SDK2: variants seen among roughly 807,000 people sequenced by gnomAD.
SDK2 encodes the protein sidekick cell adhesion molecule 2.
In SDK2, 105 loss-of-function variants were observed where a neutral mutation model predicts 253.9. The ratio of observed to expected loss-of-function variants is 0.41; its 90% CI spans 0.35 to 0.49. SDK2 has a LOEUF of 0.49. SDK2 is among the 20% of genes least tolerant of loss of function. SDK2 has a pLI of 0.06. For missense variants in SDK2, 2,608 were observed against 3,003.0 expected, an observed-to-expected ratio of 0.87 and a Z score of 3.07; for synonymous variants, 1,249 against 1,234.9, an observed-to-expected ratio of 1.01 and a Z score of -0.24.
At chr17:73,504,469 A>AAAAAT (rs2063918706) in intron 2 of SDK2, 1 of 151,662 alleles carries the variant, frequency 6.6e-6, no homozygotes, top group Non-Finnish European at 1.5e-5. Flanking sequence ...CTACTAAAAA[A>AAAAAT]AAAATACGAA....
chr17:73,622,469 T>C (rs2046145406), intron 1 of SDK2, among the ~76,000 whole-genome samples: 1 of 152,216 alleles, frequency 6.6e-6, no homozygotes, highest in African/African-American at 2.4e-5. Context: ...GGACAAGTTT[T>C]CTTGGCTCAG....
In SDK2 at chr17:73,438,163, G is replaced by C. The variant is rs2063385683; in HGVS notation, c.726-9C>G. On this transcript the variant is annotated splice_polypyrimidine_tract_variant and intron_variant, in intron 6 of 44. Coordinates refer to ENST00000392650, the MANE Select transcript of SDK2 (RefSeq NM_001144952.2). ...GTAGCTTGATCAGGGGCCTGCAGAG[G>C]GCAAGGGAAGGCCAGTGTTCAGCCA... 3 of 1,547,308 alleles carry C rather than the reference G, an allele frequency of 1.9e-6. No individual in the cohort carries two copies. Among genetic ancestry groups the C allele is most frequent in the African/African-American group, 1.4e-5 (1 of 72,994 alleles).
chr17:73,602,796 G>A (rs2045858914), intron 1 of SDK2, among the ~76,000 whole-genome samples: 1 of 151,932 alleles, frequency 6.6e-6, no homozygotes, highest in South Asian at 2.1e-4. Context: ...GCGTGATCTC[G>A]GCTCACTGCA....
At chr17:73,602,117 A>T (rs1017177084) in intron 1 of SDK2, among the ~76,000 whole-genome samples, 1 of 152,240 alleles carries the variant, frequency 6.6e-6, no homozygotes, top group Non-Finnish European at 1.5e-5. Context: ...ACAGGTAGGT[A>T]GGTGAGTTGG....
At chr17:73,555,958 G>A (rs1238353563) in intron 1 of SDK2, among the ~76,000 whole-genome samples, 2 of 152,182 alleles carry the variant, frequency 1.3e-5, no homozygotes, top group African/African-American at 4.8e-5. Context: ...GATGGTCCCT[G>A]CAGGGAGACA....
rs568621107 is a variant in SDK2 at position 73,389,898 on chromosome 17, T to C, written c.4192+389A>G. Reference sequence around the variant, plus strand: ...CTGAGTAGCTGGGATTACAGGTGTGTGCCACCACGCTGGCTAATTTTTGTA... The same window carrying C: ...CTGAGTAGCTGGGATTACAGGTGTGCGCCACCACGCTGGCTAATTTTTGTA... On this transcript the variant is annotated intron_variant, in intron 29 of 44. Transcript: ENST00000392650. Among the ~76,000 whole-genome samples the C allele has an allele frequency of 1.9e-3, 295 of 152,268 alleles. 1 individual carries two copies. Among genetic ancestry groups the C allele is most frequent in the African/African-American group, 6.6e-3 (274 of 41,554 alleles).
At chr17:73,532,063 A>G (rs1421191264) in intron 1 of SDK2, among the ~76,000 whole-genome samples, 1 of 151,500 alleles carries the variant, frequency 6.6e-6, no homozygotes, top group Non-Finnish European at 1.5e-5. Context: ...GTCATTCTGT[A>G]CTCCTGCCCC....
intron 1 of SDK2, among the ~76,000 whole-genome samples, chr17:73,550,168 C>T (rs188098746): frequency 6.6e-6 from 1 of 152,152 alleles, no homozygotes; most frequent in African/African-American, 2.4e-5. Flanking sequence ...GCTGGCCTGG[C>T]TTGGAAATAT....
At position 73,338,651 on chromosome 17, in the gene SDK2, C is replaced by A; in HGVS notation, c.6455G>T (p.Arg2152Leu). 6.5e-7 allele frequency: 1 copy of A among 1,549,156 alleles called. No individual in the cohort carries two copies. The highest frequency in any genetic ancestry group is 1.2e-5 in the South Asian group (1 of 80,228). The change falls in exon 45 of 45, where the codon CGT becomes CTT. Residue 2152 changes from arginine to leucine, a missense_variant. Arg to Leu is a moderately radical substitution (Grantham distance 102, BLOSUM62 -2). This residue lies in a region of SDK2 where 1,103 missense variants were observed against 1,143.9 expected (regional missense o/e 0.96). Transcript: ENST00000392650. This position sits in a 1 kb window ranked among gnomAD's most constrained non-coding sequence, Gnocchi z 5.0. Reference sequence around the variant, plus strand: ...GCCTGGGGCCAGGCTGCTGGGGGGACGGTAGAGGGTGCTCTGCTGACTTGG... The same window carrying A: ...GCCTGGGGCCAGGCTGCTGGGGGGAAGGTAGAGGGTGCTCTGCTGACTTGG... ...NPPSQQSTLY[R>L]PPSSLAPGSR... is the part of the protein sequence containing the mutation.
rs1004784876 is a variant in SDK2, at chr17:73,619,872, GAAC to G, written c.64+24150_64+24152del. On this transcript the variant is annotated intron_variant, in intron 1 of 44. Coordinates refer to ENST00000392650, the MANE Select transcript of SDK2 (RefSeq NM_001144952.2). ...GAATATGTAATGAAACCTTACAACT[GAAC>G]AACAACAACAACAACAACAAAACAT... Among the ~76,000 whole-genome samples, 16 of 152,034 alleles carry G rather than the reference GAAC, an allele frequency of 1.1e-4. No homozygotes were observed. In the East Asian group the frequency reaches 2.3e-3, roughly 22 times the overall value.
At position 73,496,045 on chromosome 17, in the gene SDK2, T is replaced by C. The variant is rs967537588; in HGVS notation, c.224+11393A>G. Among the ~76,000 whole-genome samples the C allele has an allele frequency of 7.2e-5, 11 of 152,038 alleles. No individual in the cohort carries two copies. The highest frequency in any genetic ancestry group is 2.2e-4 in the African/African-American group (9 of 41,386). On this transcript the variant is annotated intron_variant, in intron 2 of 44. Coordinates refer to ENST00000392650, the MANE Select transcript of SDK2 (RefSeq NM_001144952.2). This position sits in a 1 kb window ranked among gnomAD's most constrained non-coding sequence, Gnocchi z 4.7. ...AACAGGCAGATAGGATCTAGCCTCA[T>C]TGAGGAAAAGGAACCTGGACTTCCC...
At position 73,355,159 on chromosome 17, in the gene SDK2, C is replaced by CATAT. The variant is rs1555750469; in HGVS notation, c.5594-2526_5594-2523dup. Reference sequence around the variant, plus strand: ...TTTGAGCCTCTGCCTCCTACACCTCCATATATATATATATATTTTTTTTTT... The same window carrying CATAT: ...TTTGAGCCTCTGCCTCCTACACCTCCATATATATATATATATATATTTTTTTTTT... On this transcript the variant is annotated intron_variant, in intron 40 of 44. Transcript: ENST00000392650. Among the ~76,000 whole-genome samples the CATAT allele has an allele frequency of 2.9e-4, 14 of 48,626 alleles. 1 individual carries two copies. The highest frequency in any genetic ancestry group is 2.8e-3 in the East Asian group (2 of 726). 31.9% of individuals were successfully genotyped at this position (48,626 alleles called of 152,430 possible).
chr17:73,470,005 C>CACAT (rs2145690625), intron 3 of SDK2, among the ~76,000 whole-genome samples: 1 of 149,254 alleles, frequency 6.7e-6, no homozygotes, highest in South Asian at 2.1e-4. Context: ...CACACACACA[C>CACAT]ACACACACAC....
chr17:73,399,088 G>A (rs2062997873), intron 22 of SDK2, 80 bp downstream of exon 22: 10 of 1,461,196 alleles, frequency 6.8e-6, no homozygotes, highest in Admixed American at 3.8e-5. Context: ...CACACAGGCC[G>A]AAATACACAT....
At chr17:73,365,738 G>T (rs1386377548) in intron 37 of SDK2, among the ~76,000 whole-genome samples, 1 of 152,168 alleles carries the variant, frequency 6.6e-6, no homozygotes, top group Admixed American at 6.5e-5. Flanking sequence ...GTGGGGCAAG[G>T]CCATTTCCTG....
At chr17:73,480,817 C>T (rs1003620346) in intron 2 of SDK2, among the ~76,000 whole-genome samples, 1 of 152,100 alleles carries the variant, frequency 6.6e-6, no homozygotes, top group Non-Finnish European at 1.5e-5. Flanking sequence ...AGCCAGAGGC[C>T]GGGTAGTTGG....
intron 1 of SDK2, among the ~76,000 whole-genome samples, chr17:73,547,122 T>G (rs575708122): frequency 6.6e-6 from 1 of 152,338 alleles, no homozygotes; most frequent in African/African-American, 2.4e-5. Flanking sequence ...CCAAGTCTCC[T>G]CTTTTGGACA....
intron 5 of SDK2, among the ~76,000 whole-genome samples, chr17:73,441,657 C>G (rs1038775562): frequency 6.6e-6 from 1 of 152,218 alleles, no homozygotes; most frequent in Non-Finnish European, 1.5e-5. Flanking sequence ...CTAGAATCTT[C>G]AGAGAAGTAT....
At chr17:73,457,252 T>C (rs1313357579) in intron 3 of SDK2, among the ~76,000 whole-genome samples, 4 of 61,704 alleles carry the variant, frequency 6.5e-5, no homozygotes, top group African/African-American at 3.5e-4. Flanking sequence ...CCTTCCTTCC[T>C]TCCTTCCTTC....
Sources: allele counts gnomAD v4.1 joint callset (sites outside exome capture counted in the v4.1 genomes callset), GRCh38; gene constraint gnomAD v4.1.1; regional missense constraint gnomAD v4.1.1; non-coding constraint Gnocchi (gnomAD v3.1); transcripts MANE v1.5; gene names NCBI Gene and HGNC (gene_info 2026-07-23, HGNC 2026-07-21).